GNG4: variants seen among roughly 807,000 people sequenced by gnomAD.
The protein encoded by GNG4 is guanine nucleotide-binding protein G(I)/G(S)/G(O) subunit gamma-4.
Under a neutral mutation model 5.8 loss-of-function variants are expected in GNG4, and 4 were observed. The ratio of observed to expected loss-of-function variants is 0.69; its 90% confidence interval spans 0.34 to 1.57. The LOEUF (loss-of-function observed/expected upper bound fraction) is 1.57. GNG4 is among the 40% of genes most tolerant of loss of function. GNG4 has a pLI of 0.06. For missense variants in GNG4, 96 were observed against 95.1 expected (o/e 1.01, Z -0.04); for synonymous variants, 29 against 32.9 (o/e 0.88, Z 0.41).
chr1:235,597,789 C>T (rs535294634), intron 1 of GNG4, among the ~76,000 whole-genome samples: 1 of 151,764 alleles, frequency 6.6e-6, no homozygotes, highest in African/African-American at 2.4e-5. Context: ...CCACACCTGG[C>T]TAATTTTTTT....
intron 2 of GNG4, among the ~76,000 whole-genome samples, chr1:235,593,786 T>G (rs1439052168): frequency 1.3e-5 from 2 of 152,038 alleles, no homozygotes; most frequent in African/African-American, 2.4e-5. Context: ...GGGTTTGTGG[T>G]CTCGCTGGCT....
intron 1 of GNG4, among the ~76,000 whole-genome samples, chr1:235,602,947 G>C (rs1688286576): frequency 6.6e-6 from 1 of 152,092 alleles, no homozygotes; most frequent in Non-Finnish European, 1.5e-5. Flanking sequence ...TTCCACACAG[G>C]GATCTAAAAG....
chr1:235,594,757 G>C (rs1289160998), intron 2 of GNG4, among the ~76,000 whole-genome samples: 1 of 152,158 alleles, frequency 6.6e-6, no homozygotes, highest in Non-Finnish European at 1.5e-5. Context: ...TCCCGCCCGT[G>C]CCTCTCCCTC....
intron 3 of GNG4, among the ~76,000 whole-genome samples, chr1:235,578,873 G>A (rs931774762): frequency 2.0e-4 from 30 of 152,194 alleles, no homozygotes; most frequent in South Asian, 6.2e-4. Flanking sequence ...CAAGGCAGGC[G>A]GATCACCTGA....
intron 1 of GNG4, among the ~76,000 whole-genome samples, chr1:235,640,591 C>T (rs1435375140): frequency 6.6e-6 from 1 of 152,268 alleles, no homozygotes; most frequent in East Asian, 1.9e-4. Flanking sequence ...ACCTGCCAGA[C>T]CACGCATCAA....
chr1:235,570,862 A>ATG (rs1553365373), intron 3 of GNG4, among the ~76,000 whole-genome samples: 7,319 of 141,550 alleles, frequency 0.052, 239 homozygotes, highest in Middle Eastern at 0.085. Flanking sequence ...ATATATATAT[A>ATG]TGTGTGTGTG....
chr1:235,570,960 ACCT>A (rs1687327206), intron 3 of GNG4, among the ~76,000 whole-genome samples: 1 of 102,446 alleles, frequency 9.8e-6, no homozygotes, highest in African/African-American at 4.5e-5. Context: ...ATATATACAT[ACCT>A]TTTTTTTTTT....
intron 1 of GNG4, among the ~76,000 whole-genome samples, chr1:235,630,037 T>A (rs977927682): frequency 6.6e-6 from 1 of 152,240 alleles, no homozygotes; most frequent in Non-Finnish European, 1.5e-5. Context: ...AATGAATTAT[T>A]TCCAATATTT....
chr1:235,642,616 G>A lies in GNG4; in HGVS notation c.-123+7046C>T, dbSNP rs947839086. Among the ~76,000 whole-genome samples, 1 of 152,138 alleles carries A rather than the reference G, an allele frequency of 6.6e-6. No individual in the cohort carries two copies. The highest frequency in any genetic ancestry group is 1.9e-4 in the East Asian group (1 of 5,188). The stretch of plus-strand genomic sequence containing the variant: ...GCGGGCAGGAGGGGCAGGGGGCCAG[G>A]GAGAGGGCAGGGTTGGGAGGGTCTC... On this transcript the variant is annotated intron_variant, in intron 1 of 3. Coordinates refer to ENST00000391854, the MANE Select transcript of GNG4 (RefSeq NM_001098722.2). This position sits in a 1 kb window ranked among gnomAD's most constrained non-coding sequence, Gnocchi z 4.3.
intron 3 of GNG4, among the ~76,000 whole-genome samples, chr1:235,579,808 G>A (rs964093222): frequency 7.4e-5 from 10 of 135,482 alleles, no homozygotes; most frequent in Non-Finnish European, 7.6e-5. Flanking sequence ...CTGAGATCAT[G>A]CCACTGCACT....
chr1:235,636,349 G>T (rs1030694236), intron 1 of GNG4, among the ~76,000 whole-genome samples: 1 of 152,218 alleles, frequency 6.6e-6, no homozygotes, highest in Non-Finnish European at 1.5e-5. Flanking sequence ...TTTGAGGAAG[G>T]CTCTTTGGGG....
upstream of GNG4, chr1:235,650,533 G>C (rs1394391648): frequency 6.6e-6 from 1 of 152,330 alleles, no homozygotes; most frequent in African/African-American, 2.4e-5. Context: ...GGGAACGGCG[G>C]AGAAACGCGG....
intron 2 of GNG4, among the ~76,000 whole-genome samples, chr1:235,592,467 C>T (rs1235083166): frequency 6.6e-6 from 1 of 152,152 alleles, no homozygotes; most frequent in East Asian, 1.9e-4. Flanking sequence ...CAAGATCACA[C>T]CACTGCACTC....
At chr1:235,614,082 G>A (rs916353050) in intron 1 of GNG4, among the ~76,000 whole-genome samples, 1 of 152,222 alleles carries the variant, frequency 6.6e-6, no homozygotes, top group Admixed American at 6.5e-5. Context: ...CAAAGTGTTG[G>A]AATTACAGGC....
At chr1:235,632,514 A>G (rs997933738) in intron 1 of GNG4, among the ~76,000 whole-genome samples, 4 of 152,268 alleles carry the variant, frequency 2.6e-5, no homozygotes, top group Admixed American at 2.0e-4. Context: ...GGTTTAACCA[A>G]CTGGAAAAAG....
Position 235,586,758 on chromosome 1 carries a change from G to A in GNG4, c.-10-2910C>T, listed in dbSNP as rs192886726. Among the ~76,000 whole-genome samples the A allele has an allele frequency of 3.3e-5, 5 of 152,348 alleles. No homozygotes were observed. In the East Asian group the frequency reaches 9.6e-4, roughly 29 times the overall value. The stretch of plus-strand genomic sequence containing the variant: ...GGCTCCCCCTTCACCTTCTGCATGA[G>A]TGGAAGCTTCCTGAGGCCTCACCAG... On this transcript the variant is annotated intron_variant, in intron 2 of 3. Coordinates refer to ENST00000391854, the MANE Select transcript of GNG4 (RefSeq NM_001098722.2).
chr1:235,605,965 G>GAGGT (rs1300220292), intron 1 of GNG4, among the ~76,000 whole-genome samples: 2 of 133,130 alleles, frequency 1.5e-5, no homozygotes, highest in African/African-American at 2.7e-5. Context: ...TGGGGGGGTG[G>GAGGT]GTCTCACTGT....
chr1:235,583,615 CT>C (rs1476173267), intron 3 of GNG4, 124 bp downstream of exon 3: 2 of 627,352 alleles, frequency 3.2e-6, no homozygotes. Flanking sequence ...AATGTTACAG[CT>C]GCCAAGGTTG....
At chr1:235,637,074 A>G (rs926776645) in intron 1 of GNG4, among the ~76,000 whole-genome samples, 3 of 141,182 alleles carry the variant, frequency 2.1e-5, no homozygotes, top group Admixed American at 7.1e-5. Flanking sequence ...AAAAAAAAAA[A>G]TCCCTGCCTC....
Sources: gnomAD v4.1 joint callset for allele counts (sites outside exome capture counted in the v4.1 genomes callset) on GRCh38, gnomAD v4.1.1 for gene constraint, Gnocchi (gnomAD v3.1) non-coding constraint, MANE v1.5 for transcripts, NCBI Gene and HGNC (gene_info 2026-07-23, HGNC 2026-07-21) for gene names.